Variants in CNOT10 observed in about 807,000 individuals in gnomAD.
CNOT10 encodes the protein CCR4-NOT transcription complex, subunit 10.
Under a neutral mutation model 94.6 loss-of-function variants are expected in CNOT10, and 30 were observed. The ratio of observed to expected loss-of-function variants is 0.32; its 90% CI spans 0.24 to 0.43. The LOEUF (loss-of-function observed/expected upper bound fraction) is 0.43, where lower values mean the gene tolerates loss of function less well. Ranked by LOEUF, CNOT10 falls within the 20% of genes least tolerant of loss-of-function variation. The pLI, the probability that CNOT10 is intolerant of heterozygous loss-of-function variation, is 1.00. For missense variants in CNOT10, 759 were observed against 877.2 expected (o/e 0.87, Z 1.70); for synonymous variants, 289 against 301.6 (o/e 0.96, Z 0.43).
At chr3:32,761,929 C>T (rs1207042056) in intron 14 of CNOT10, among the ~76,000 whole-genome samples, 6 of 151,286 alleles carry the variant, frequency 4.0e-5, no homozygotes, top group African/African-American at 9.7e-5. Context: ...TGCACCACCA[C>T]GCCCGGCTAA....
chr3:32,735,009 A>T, intron 12 of CNOT10, 33 bp downstream of exon 12: 4 of 1,570,840 alleles, frequency 2.5e-6, no homozygotes, highest in Non-Finnish European at 3.5e-6. Flanking sequence ...CTTTGGCAAA[A>T]TCCTTTCAGG....
intron 13 of CNOT10, among the ~76,000 whole-genome samples, chr3:32,757,389 A>G (rs554906294): frequency 1.4e-4 from 21 of 151,772 alleles, no homozygotes; most frequent in African/African-American, 4.8e-4. Context: ...ATGTTGGTCA[A>G]GCTGGTCTCG....
intron 1 of CNOT10, among the ~76,000 whole-genome samples, chr3:32,688,219 G>A (rs1036395788): frequency 1.6e-4 from 24 of 152,212 alleles, no homozygotes; most frequent in African/African-American, 5.1e-4. Context: ...ACAAAACAAA[G>A]TCTCTGTTCT....
At chr3:32,746,916 G>A (rs2125602782) in intron 13 of CNOT10, among the ~76,000 whole-genome samples, 2 of 151,288 alleles carry the variant, frequency 1.3e-5, no homozygotes, top group Middle Eastern at 6.9e-3. Flanking sequence ...GCAGAGCTCA[G>A]GCAGTAATGC....
chr3:32,703,078 A>ATTTTTTTTTTT (rs67920905), intron 1 of CNOT10, among the ~76,000 whole-genome samples: 6 of 124,246 alleles, frequency 4.8e-5, no homozygotes, highest in Admixed American at 3.6e-4. Flanking sequence ...CGCCAAGCTA[A>ATTTTTTTTTTT]TTTTTTTTTT....
chr3:32,767,063 A>C (rs1221077310), intron 17 of CNOT10, among the ~76,000 whole-genome samples: 1 of 152,166 alleles, frequency 6.6e-6, no homozygotes, highest in African/African-American at 2.4e-5. Flanking sequence ...ACACCTTCCT[A>C]AAAAGGGAAT....
chr3:32,748,971 A>G (rs1202610338), intron 13 of CNOT10, among the ~76,000 whole-genome samples: 4 of 151,866 alleles, frequency 2.6e-5, no homozygotes, highest in African/African-American at 7.3e-5. Flanking sequence ...ACAGACATGC[A>G]TAACCACACC....
chr3:32,705,955 A>G (rs1329325118), intron 3 of CNOT10, among the ~76,000 whole-genome samples: 1 of 152,216 alleles, frequency 6.6e-6, no homozygotes, highest in Non-Finnish European at 1.5e-5. Context: ...TTCTGTATTA[A>G]GTGCCTTTTA....
intron 10 of CNOT10, 65 bp from the exon 11 acceptor site, chr3:32,733,358 C>T: frequency 1.6e-6 from 2 of 1,231,104 alleles, no homozygotes. Flanking sequence ...AGAGATATTC[C>T]CTCATTTTTT....
chr3:32,712,163 GT>G (rs112756771), intron 4 of CNOT10, among the ~76,000 whole-genome samples: 49 of 141,052 alleles, frequency 3.5e-4, no homozygotes, highest in East Asian at 2.1e-3. Context: ...GTGTTTGTTT[GT>G]TTTTTTTTTT....
intron 1 of CNOT10, among the ~76,000 whole-genome samples, chr3:32,692,084 G>C (rs1696875937): frequency 6.6e-6 from 1 of 150,688 alleles, no homozygotes; most frequent in East Asian, 1.9e-4. Context: ...TTTCCCGCCA[G>C]GCATGGTGGT....
rs58351356 is a variant in CNOT10 at position 32,721,429 on chromosome 3, C to CTTT, written c.862+1221_862+1223dup. Reference sequence around the variant, plus strand: ...AAGTGAGACCTAATTTTTCTTTCATCTTTTTTTTTTTTTTTTTTTTTTTTT... The same window carrying CTTT: ...AAGTGAGACCTAATTTTTCTTTCATCTTTTTTTTTTTTTTTTTTTTTTTTTTTT... On this transcript the variant is annotated intron_variant, in intron 8 of 18. Transcript: ENST00000328834. Among the ~76,000 whole-genome samples the CTTT allele has an allele frequency of 4.4e-3, 321 of 72,540 alleles. 2 individuals carry two copies. The highest frequency in any genetic ancestry group is 0.026 in the Middle Eastern group (2 of 76). 47.6% of individuals were successfully genotyped at this position (72,540 alleles called of 152,430 possible). A position where few individuals can be genotyped will look rare whatever the true frequency, so the allele number is the denominator to read the frequency against.
chr3:32,753,813 A>G, intron 13 of CNOT10: 3 of 1,585,646 alleles, frequency 1.9e-6, no homozygotes, highest in East Asian at 4.5e-5. Flanking sequence ...TGGGAGTCTG[A>G]TGGTACAGTT....
intron 1 of CNOT10, among the ~76,000 whole-genome samples, chr3:32,694,617 T>C (rs897446016): frequency 6.6e-6 from 1 of 152,174 alleles, no homozygotes; most frequent in Non-Finnish European, 1.5e-5. Flanking sequence ...TTTGAGGCAG[T>C]CTTGCTCTGT....
chr3:32,698,402 G>A (rs1035436498), intron 1 of CNOT10, among the ~76,000 whole-genome samples: 1 of 152,136 alleles, frequency 6.6e-6, no homozygotes, highest in Non-Finnish European at 1.5e-5. Flanking sequence ...TGTTATAAGT[G>A]GTGACTCTCA....
intron 6 of CNOT10, 103 bp downstream of exon 6, chr3:32,716,414 G>A (rs932019859): frequency 4.2e-5 from 24 of 570,422 alleles, no homozygotes; most frequent in African/African-American, 3.8e-4. Context: ...AATAATTCAA[G>A]GTGCATATAT....
chr3:32,703,138 A>C (rs1479867373), intron 1 of CNOT10, among the ~76,000 whole-genome samples: 1 of 137,238 alleles, frequency 7.3e-6, no homozygotes, highest in South Asian at 2.3e-4. Flanking sequence ...GTTAGCCAGG[A>C]TGGTCTCGAT....
intron 8 of CNOT10, among the ~76,000 whole-genome samples, chr3:32,724,817 C>A (rs937457544): frequency 6.6e-6 from 1 of 152,170 alleles, no homozygotes; most frequent in African/African-American, 2.4e-5. Flanking sequence ...CCTCAGCCTC[C>A]CAAAGTGCTG....
intron 10 of CNOT10, among the ~76,000 whole-genome samples, chr3:32,730,117 T>C (rs1338968374): frequency 1.3e-5 from 2 of 152,208 alleles, no homozygotes; most frequent in Non-Finnish European, 2.9e-5. Context: ...AATTGCTTAT[T>C]CTCTTTAATC....
Sources: gnomAD v4.1 joint callset for allele counts (sites outside exome capture counted in the v4.1 genomes callset) on GRCh38, gnomAD v4.1.1 for gene constraint, MANE v1.5 for transcripts, NCBI Gene and HGNC (gene_info 2026-07-23, HGNC 2026-07-21) for gene names.